The following LMO7 variants were observed in gnomAD, a reference collection of about 807,000 sequenced individuals.
LMO7 encodes LIM domain only protein 7.
Under a neutral mutation model 206.5 loss-of-function variants are expected in LMO7, and 120 were observed. The ratio of observed to expected loss-of-function variants is 0.58; its 90% confidence interval spans 0.50 to 0.68. LMO7 has a LOEUF of 0.68. LMO7 is among the 30% of genes least tolerant of loss of function. The pLI is 0.00. For synonymous variants in LMO7, 706 were observed against 681.5 expected (o/e 1.04, Z -0.56); for missense variants, 1,959 against 1,957.9 (o/e 1.00, Z -0.01).
intron 2 of LMO7, among the ~76,000 whole-genome samples, chr13:75,722,507 C>G (rs1246694827): frequency 6.6e-6 from 1 of 152,056 alleles, no homozygotes; most frequent in African/African-American, 2.4e-5. Flanking sequence ...CCACCTCACT[C>G]CTGCAAGAGT....
chr13:75,621,866 A>C (rs1429604923), exon 1 of LMO7: 2 of 1,593,222 alleles, frequency 1.3e-6, no homozygotes, highest in South Asian at 1.2e-5. Context: ...TGCAGCAAAA[A>C]AGGTAATAAT....
At chr13:75,639,155 T>C (rs1250704140) in intron 1 of LMO7, among the ~76,000 whole-genome samples, 1 of 152,234 alleles carries the variant, frequency 6.6e-6, no homozygotes. Context: ...ATTTTCTATC[T>C]GTGATTTTTA....
chr13:75,688,131 TA>T (rs2041169600), intron 1 of LMO7, among the ~76,000 whole-genome samples: 1 of 152,204 alleles, frequency 6.6e-6, no homozygotes, highest in Admixed American at 6.5e-5. Flanking sequence ...GTGAGTCCAT[TA>T]AGCCTGTTTT....
At position 75,795,418 on chromosome 13, in the gene LMO7, GGA is replaced by G. The variant is rs2053863530; in HGVS notation, c.339_340del (p.Arg113SerfsTer22). 1 of 1,590,156 alleles carries G rather than the reference GGA, an allele frequency of 6.3e-7. No homozygotes were observed. The highest frequency in any genetic ancestry group is 8.6e-7 in the Non-Finnish European group (1 of 1,162,812). On this transcript the variant is annotated frameshift_variant, in exon 5 of 31. Transcript: ENST00000377534. LOFTEE classifies it high-confidence loss of function. The stretch of plus-strand genomic sequence containing the variant: ...CTTTACAGGCAAGAAGAGACTGACA[GGA>G]GAGTGAAAAATGTAAGATACATTTA...
chr13:75,856,732 G>A, intron 30 of LMO7, 124 bp downstream of exon 30: 1 of 663,194 alleles, frequency 1.5e-6, no homozygotes, highest in Admixed American at 2.2e-5. Context: ...CAGGTTTCAA[G>A]AATTGTAGTG....
chr13:75,808,239 T>TACAA lies in LMO7; in HGVS notation c.1916+40_1916+41insACAA, dbSNP rs1178226383. On this transcript the variant is annotated intron_variant, in intron 10 of 30. Transcript: ENST00000377534. ...CTGCAAGGATTTTGCTTGTAATGGA[T>TACAA]GGTCTTGTGTAACTTTTCTCATGCG... The TACAA allele has an allele frequency of 5.2e-6, 8 of 1,539,208 alleles. No homozygotes were observed. The African/African-American group carries it at 9.7e-5, about 19-fold the overall frequency.
intron 1 of LMO7, among the ~76,000 whole-genome samples, chr13:75,686,246 C>T (rs1423698774): frequency 4.6e-5 from 7 of 152,230 alleles, no homozygotes; most frequent in Admixed American, 2.0e-4. Flanking sequence ...CACAGTTCCA[C>T]GTGGCTCACA....
At chr13:75,707,081 A>C (rs769707896) in intron 1 of LMO7, among the ~76,000 whole-genome samples, 99 of 151,802 alleles carry the variant, frequency 6.5e-4, no homozygotes, top group Non-Finnish European at 5.6e-4. Context: ...TGGGAGATTT[A>C]GTAAATTGAC....
At chr13:75,648,422 T>G (rs1376128680) in intron 1 of LMO7, among the ~76,000 whole-genome samples, 1 of 152,218 alleles carries the variant, frequency 6.6e-6, no homozygotes, top group Non-Finnish European at 1.5e-5. Context: ...GTATTTGAAC[T>G]TAGATCTGTC....
intron 1 of LMO7, among the ~76,000 whole-genome samples, chr13:75,642,407 C>A (rs892409772): frequency 2.1e-5 from 3 of 144,408 alleles, no homozygotes; most frequent in Non-Finnish European, 4.5e-5. Context: ...GAATTTAAGA[C>A]CAGCCTAGTC....
At chr13:75,785,650 G>A (rs1308749392) in intron 4 of LMO7, among the ~76,000 whole-genome samples, 1 of 152,084 alleles carries the variant, frequency 6.6e-6, no homozygotes, top group East Asian at 1.9e-4. Flanking sequence ...ATTTCAATTT[G>A]CTAGTATGTG....
chr13:75,665,839 A>T (rs2039030159), intron 1 of LMO7, among the ~76,000 whole-genome samples: 1 of 152,118 alleles, frequency 6.6e-6, no homozygotes, highest in East Asian at 1.9e-4. Flanking sequence ...CCTGGTCTAC[A>T]TTTTATATGT....
chr13:75,627,009 T>C (rs1180195662), intron 2 of LMO7: 1 of 152,178 alleles, frequency 6.6e-6, no homozygotes, highest in Non-Finnish European at 1.5e-5. Flanking sequence ...GGGGTTATTA[T>C]AAAAATTGTA....
chr13:75,812,871 T>G (rs531010113), intron 11 of LMO7, among the ~76,000 whole-genome samples: 1 of 152,358 alleles, frequency 6.6e-6, no homozygotes, highest in East Asian at 1.9e-4. Context: ...CGATGTGATT[T>G]GCCAGCTAAT....
At chr13:75,663,432 C>CTTTTTTTTTT (rs1178254643) in intron 1 of LMO7, among the ~76,000 whole-genome samples, 7 of 111,396 alleles carry the variant, frequency 6.3e-5, no homozygotes, top group East Asian at 2.5e-4. Context: ...TTCTTTCTTT[C>CTTTTTTTTTT]TTTTTTTTTT....
chr13:75,709,540 G>A (rs2042917603), intron 1 of LMO7, among the ~76,000 whole-genome samples: 1 of 152,148 alleles, frequency 6.6e-6, no homozygotes, highest in Admixed American at 6.5e-5. Context: ...GCATTTCTCT[G>A]ATGGCCAGTG....
At chr13:75,760,589 G>A in intron 3 of LMO7, 1 of 1,366,380 alleles carries the variant, frequency 7.3e-7, no homozygotes. Flanking sequence ...GCTGGAAAGA[G>A]GGCGTTTGTT....
chr13:75,641,631 G>C (rs1248566716), intron 1 of LMO7, among the ~76,000 whole-genome samples: 1 of 151,972 alleles, frequency 6.6e-6, no homozygotes, highest in Non-Finnish European at 1.5e-5. Context: ...ATGCCTATTT[G>C]TTTCTTTTTT....
intron 3 of LMO7, among the ~76,000 whole-genome samples, chr13:75,738,620 G>C (rs902655557): frequency 6.6e-6 from 1 of 152,038 alleles, no homozygotes; most frequent in African/African-American, 2.4e-5. Flanking sequence ...TAACCCAAGA[G>C]TTTGAGTCTT....
Sources: gnomAD v4.1 joint callset for allele counts (sites outside exome capture counted in the v4.1 genomes callset) on GRCh38, gnomAD v4.1.1 for gene constraint, MANE v1.5 for transcripts, NCBI Gene and HGNC (gene_info 2026-07-23, HGNC 2026-07-21) for gene names.